STPG4: variants seen among roughly 807,000 people sequenced by gnomAD.
The protein encoded by STPG4 is protein STPG4.
A neutral mutation model predicts 31.5 loss-of-function variants in STPG4; 41 were observed. The ratio of observed to expected loss-of-function variants is 1.30; its 90% CI spans 1.01 to 1.69. STPG4 has a LOEUF of 1.69. Among genes scored for constraint, STPG4 ranks in the 40% most tolerant of loss-of-function variants. The pLI is 0.00. For synonymous variants in STPG4, 141 were observed against 103.0 expected, an observed-to-expected ratio of 1.37 and a Z score of -2.24; for missense variants, 375 against 293.4, an observed-to-expected ratio of 1.28 and a Z score of -2.03.
chr2:47,128,531 C>T (rs1686408161), intron 5 of STPG4, among the ~76,000 whole-genome samples: 1 of 152,090 alleles, frequency 6.6e-6, no homozygotes, highest in African/African-American at 2.4e-5. Context: ...AAAGTTTTTC[C>T]ACTCGTCCCT....
At chr2:47,109,200 T>C (rs1206805027) in intron 5 of STPG4, among the ~76,000 whole-genome samples, 2 of 152,154 alleles carry the variant, frequency 1.3e-5, no homozygotes, top group African/African-American at 4.8e-5. Context: ...GTTAACGCTG[T>C]TGGAAAAGCA....
In STPG4 at chr2:47,152,985, C is replaced by G; in HGVS notation, c.113G>C (p.Arg38Thr). 1 of 1,612,138 alleles carries G rather than the reference C, an allele frequency of 6.2e-7. No homozygotes were observed. Among genetic ancestry groups the G allele is most frequent in the South Asian group, 1.1e-5 (1 of 90,832 alleles). ...KPAQKTSSFE[R>T]EGWWRIALTD... Reference sequence around the variant, plus strand: ...TAATGCTATTCTCCACCATCCTTCTCTTTCAAAAGAGGAAGTCTTTTGGGC... The same window carrying G: ...TAATGCTATTCTCCACCATCCTTCTGTTTCAAAAGAGGAAGTCTTTTGGGC... Residue 38 changes from arginine to threonine, a missense_variant, in exon 2 of 7, where the codon AGA (arginine) becomes ACA (threonine). By Grantham distance (71) the Arg-to-Thr change is moderately conservative. Transcript: ENST00000445927.
rs1687006286 is a variant in STPG4, at chr2:47,155,171, CGAAGCTGT to C, written c.73_80del (p.Thr25GlufsTer10). 1 of 1,613,822 alleles carries C rather than the reference CGAAGCTGT, an allele frequency of 6.2e-7. No homozygotes were observed. Among genetic ancestry groups the C allele is most frequent in the African/African-American group, 1.3e-5 (1 of 74,870 alleles). ...GCCGGCAAGGGGCAGGCCATCTTACCGAAGCTGTGATGAATGATTCTCCACCCACCAGG... is the reference window on the plus strand; with the variant it reads ...GCCGGCAAGGGGCAGGCCATCTTACCGATGAATGATTCTCCACCCACCAGG... On this transcript the variant is annotated frameshift_variant and splice_region_variant, in exon 1 of 7. Transcript: ENST00000445927. LOFTEE classifies it high-confidence loss of function.
intron 5 of STPG4, among the ~76,000 whole-genome samples, chr2:47,116,241 G>A (rs1452748962): frequency 2.0e-5 from 3 of 152,174 alleles, no homozygotes; most frequent in Non-Finnish European, 4.4e-5. Flanking sequence ...GACTTTAAGA[G>A]GTGATTAGGC....
In STPG4 at chr2:47,127,492, G is replaced by C. The variant is rs1240660534; in HGVS notation, c.519+2449C>G. ...CCATGTTGGCCAGACTGGTCTTGAA[G>C]TCTTGGCCTCAAGCCGTCTGCCTGC... On this transcript the variant is annotated intron_variant, in intron 5 of 6. Transcript: ENST00000445927. Among the ~76,000 whole-genome samples, 6 of 151,874 alleles carry C rather than the reference G, an allele frequency of 4.0e-5. No individual in the cohort carries two copies. The East Asian group carries it at 1.2e-3, about 29-fold the overall frequency.
At chr2:47,112,513 G>A (rs1182808192) in intron 5 of STPG4, among the ~76,000 whole-genome samples, 2 of 152,026 alleles carry the variant, frequency 1.3e-5, no homozygotes, top group Admixed American at 6.5e-5. Flanking sequence ...GTATTTCAGC[G>A]AGCTCATTTT....
At chr2:47,152,855 C>T (rs1460161186) in intron 2 of STPG4, 102 bp downstream of exon 2, 9 of 808,506 alleles carry the variant, frequency 1.1e-5, no homozygotes, top group Non-Finnish European at 1.1e-5. Context: ...TGAACAATCA[C>T]TGTTTTCTTA....
intron 6 of STPG4, among the ~76,000 whole-genome samples, chr2:47,087,483 C>T (rs1356512913): frequency 6.6e-6 from 1 of 152,222 alleles, no homozygotes; most frequent in East Asian, 1.9e-4. Flanking sequence ...CGAGGAATGC[C>T]ATCATCTTTC....
chr2:47,131,327 A>C (rs564872567), intron 3 of STPG4, among the ~76,000 whole-genome samples: 26 of 151,882 alleles, frequency 1.7e-4, no homozygotes, highest in African/African-American at 6.0e-4. Context: ...AACTCTCACT[A>C]TGTTGCCCAA....
intron 5 of STPG4, among the ~76,000 whole-genome samples, chr2:47,119,046 C>A (rs17036272): frequency 0.13 from 20,053 of 152,192 alleles, 1,492 homozygotes; most frequent in African/African-American, 0.17. Flanking sequence ...ATTTATCACA[C>A]GAAGGTTTGA....
intron 3 of STPG4, among the ~76,000 whole-genome samples, chr2:47,138,549 G>A (rs1686643710): frequency 6.6e-6 from 1 of 151,658 alleles, no homozygotes; most frequent in Admixed American, 6.6e-5. Context: ...CCGCCACCAT[G>A]CCTGGTTAAT....
intron 5 of STPG4, among the ~76,000 whole-genome samples, chr2:47,118,003 C>A (rs1026302326): frequency 2.0e-5 from 3 of 151,832 alleles, no homozygotes; most frequent in Non-Finnish European, 4.4e-5. Context: ...TCAAGGGGTC[C>A]TCCCACCTTG....
chr2:47,116,212 G>A (rs188410915), intron 5 of STPG4, among the ~76,000 whole-genome samples: 141 of 152,314 alleles, frequency 9.3e-4, no homozygotes, highest in Admixed American at 2.7e-3. Context: ...TTGTCAACGT[G>A]ATAGTATTCA....
chr2:47,151,101 C>T (rs1686926004), intron 3 of STPG4, among the ~76,000 whole-genome samples, 157 bp downstream of exon 3: 1 of 152,138 alleles, frequency 6.6e-6, no homozygotes, highest in Admixed American at 6.6e-5. Flanking sequence ...GAAACATTTG[C>T]AAATCAGGCA....
chr2:47,104,202 C>A lies in STPG4; in HGVS notation c.520-13828G>T, dbSNP rs183172697. ...AATTTGGAAGGGCAAAAAATGCCCA[C>A]CCAGTCCAAATCAGGTTAAAAGATC... On this transcript the variant is annotated intron_variant, in intron 5 of 6. Coordinates refer to ENST00000445927, the MANE Select transcript of STPG4 (RefSeq NM_001163561.2). Among the ~76,000 whole-genome samples the A allele has an allele frequency of 2.7e-3, 408 of 152,078 alleles. 2 individuals carry two copies. The highest frequency in any genetic ancestry group is 9.4e-3 in the African/African-American group (388 of 41,364).
chr2:47,110,166 A>C (rs1686007336), intron 5 of STPG4, among the ~76,000 whole-genome samples: 1 of 152,248 alleles, frequency 6.6e-6, no homozygotes, highest in Non-Finnish European at 1.5e-5. Flanking sequence ...TAGAGACCCC[A>C]AACATCATAC....
intron 3 of STPG4, among the ~76,000 whole-genome samples, chr2:47,136,437 C>T (rs868690692): frequency 6.6e-6 from 1 of 152,184 alleles, no homozygotes. Flanking sequence ...CATGAGCCAC[C>T]ACGCCCAGCC....
At chr2:47,106,496 GT>G (rs1289236820) in intron 5 of STPG4, among the ~76,000 whole-genome samples, 3 of 151,892 alleles carry the variant, frequency 2.0e-5, no homozygotes, top group Non-Finnish European at 1.5e-5. Context: ...TTCTCAGACA[GT>G]TTGCAAGAAA....
chr2:47,131,517 G>C (rs570465835), intron 3 of STPG4, among the ~76,000 whole-genome samples: 1 of 152,304 alleles, frequency 6.6e-6, no homozygotes, highest in African/African-American at 2.4e-5. Context: ...TAGTACTAGG[G>C]AATACAGTGG....
Sources: allele counts gnomAD v4.1 joint callset (sites outside exome capture counted in the v4.1 genomes callset), GRCh38; gene constraint gnomAD v4.1.1; transcripts MANE v1.5; gene names NCBI Gene and HGNC (gene_info 2026-07-23, HGNC 2026-07-21).